MDN1: variants seen among roughly 807,000 people sequenced by gnomAD.
The protein encoded by MDN1 is midasin AAA ATPase 1.
MDN1 carries 266 observed loss-of-function variants against 669.2 expected under a neutral mutation model. The observed-to-expected ratio is 0.40, with a 90% CI of 0.36 to 0.44. The LOEUF (loss-of-function observed/expected upper bound fraction) is 0.44. Among genes scored for constraint, MDN1 ranks in the 20% least tolerant of loss-of-function variants. MDN1 has a pLI of 1.00. For synonymous variants in MDN1, 2,385 were observed against 2,457.1 expected (o/e 0.97, Z 0.87); for missense variants, 5,940 against 6,754.0 (o/e 0.88, Z 4.22).
At position 89,794,594 on chromosome 6, in the gene MDN1, A is replaced by G. The variant is rs1183379347; in HGVS notation, c.537T>C (p.His179=). The G allele has an allele frequency of 1.2e-6, 2 of 1,613,224 alleles. No individual in the cohort carries two copies. Among genetic ancestry groups the G allele is most frequent in the Non-Finnish European group, 1.7e-6 (2 of 1,180,028 alleles). Residue 179 remains histidine (H), a synonymous_variant, in exon 3 of 102, where the codon CAT becomes CAC. Transcript: ENST00000369393. ...WSVCVPLLRS[H]DTLVRWYTAN... is the part of the protein sequence containing the mutation. ...CTACGCACCAGCGAACCAAGGTGTCATGGCTTCTGAGGAGAGGGACACACA... is the reference window on the plus strand; with the variant it reads ...CTACGCACCAGCGAACCAAGGTGTCGTGGCTTCTGAGGAGAGGGACACACA...
At position 89,671,489 on chromosome 6, in the gene MDN1, C is replaced by CA. The variant is rs1196705933; in HGVS notation, c.13795-410dup. Among the ~76,000 whole-genome samples the CA allele has an allele frequency of 2.6e-5, 4 of 151,366 alleles. No individual in the cohort carries two copies. The East Asian group carries it at 5.8e-4, about 22-fold the overall frequency. On this transcript the variant is annotated intron_variant, in intron 82 of 101. Coordinates refer to ENST00000369393, the MANE Select transcript of MDN1 (RefSeq NM_014611.3). ...CCCCATTTCTACAAAAAATACCAAACAAAAAAAACATATAGCCAGAACCCA... is the reference window on the plus strand; with the variant it reads ...CCCCATTTCTACAAAAAATACCAAACAAAAAAAAACATATAGCCAGAACCCA...
rs1279599389 is a variant in MDN1, at chr6:89,740,217, C to A, written c.4593+17G>T. On this transcript the variant is annotated intron_variant, in intron 32 of 101. Transcript: ENST00000369393. Reference sequence around the variant, plus strand: ...GGTCAAAACCTAGAAAGAAAATGTGCATCAGTAAAGTTTTACCTCCTTTTT... The same window carrying A: ...GGTCAAAACCTAGAAAGAAAATGTGAATCAGTAAAGTTTTACCTCCTTTTT... 6.2e-7 allele frequency: 1 copy of A among 1,609,576 alleles called. No individual in the cohort carries two copies. Among genetic ancestry groups the A allele is most frequent in the Non-Finnish European group, 8.5e-7 (1 of 1,178,510 alleles).
At position 89,662,128 on chromosome 6, in the gene MDN1, C is replaced by G. The variant is rs142038492; in HGVS notation, c.14524G>C (p.Gly4842Arg). ...TTAATTTTGTCTTCACCTTGTCCAC[C>G]ATCATCAGCTTCTGCTTCTTCCTTT... ...EEKEEAEADD[G>R]GQGEDKINEQ... is the part of the protein sequence containing the mutation. Residue 4842 changes from glycine (G) to arginine (R), a missense_variant, in exon 87 of 102, where the codon GGT (glycine) becomes CGT (arginine). Coordinates refer to ENST00000369393, the MANE Select transcript of MDN1 (RefSeq NM_014611.3). The G allele has an allele frequency of 2.6e-4, 418 of 1,613,538 alleles. 1 individual carries two copies. The highest frequency in any genetic ancestry group is 1.9e-4 in the Non-Finnish European group (220 of 1,179,918).
At chr6:89,729,626 T>C (rs1562151277) in intron 35 of MDN1, among the ~76,000 whole-genome samples, 1 of 152,002 alleles carries the variant, frequency 6.6e-6, no homozygotes, top group African/African-American at 2.4e-5. Flanking sequence ...AGTCTTGTAA[T>C]ATTTAACATT....
At chr6:89,703,205 T>C (rs1319555018) in intron 53 of MDN1, among the ~76,000 whole-genome samples, 3 of 152,020 alleles carry the variant, frequency 2.0e-5, no homozygotes, top group African/African-American at 7.2e-5. Context: ...CCAAAGTACT[T>C]AGGATTATAG....
At chr6:89,652,828 A>G (rs760932504) in intron 94 of MDN1, among the ~76,000 whole-genome samples, 164 bp downstream of exon 94, 17 of 152,222 alleles carry the variant, frequency 1.1e-4, no homozygotes, top group South Asian at 4.1e-4. Context: ...AAGAACACCT[A>G]TCATACCAAT....
intron 34 of MDN1, among the ~76,000 whole-genome samples, chr6:89,731,493 G>GC: frequency 6.6e-6 from 1 of 152,136 alleles, no homozygotes; most frequent in South Asian, 2.1e-4. Context: ...ATCATCCTCA[G>GC]CAAACTAACA....
intron 22 of MDN1, among the ~76,000 whole-genome samples, chr6:89,753,229 A>G (rs1355488067): frequency 6.6e-6 from 1 of 152,162 alleles, no homozygotes; most frequent in East Asian, 1.9e-4. Flanking sequence ...AATTTACCTC[A>G]ATAAATCAAC....
chr6:89,758,220 CA>C lies in MDN1; in HGVS notation c.2702+34del, dbSNP rs767363909. ...TGGGCAACAGAGCAAGAACCTGTTG[CA>C]AAAAAGGAAAGTCTCCAAGAACCAA... On this transcript the variant is annotated intron_variant, in intron 19 of 101. Coordinates refer to ENST00000369393, the MANE Select transcript of MDN1 (RefSeq NM_014611.3). 3 of 1,542,862 alleles carry C rather than the reference CA, an allele frequency of 1.9e-6. No individual in the cohort carries two copies. The South Asian group carries it at 3.5e-5, about 18-fold the overall frequency.
chr6:89,811,064 T>G (rs1271975213), intron 1 of MDN1, among the ~76,000 whole-genome samples: 1 of 152,224 alleles, frequency 6.6e-6, no homozygotes, highest in South Asian at 2.1e-4. Flanking sequence ...AGGGTCACAT[T>G]CAGGTATTAT....
chr6:89,692,621 C>G lies in MDN1; in HGVS notation c.10409G>C (p.Gly3470Ala), dbSNP rs1272095346. The change falls in exon 63 of 102, where the codon GGC (glycine) becomes GCC (alanine). Residue 3470 changes from glycine to alanine, a missense_variant. Coordinates refer to ENST00000369393, the MANE Select transcript of MDN1 (RefSeq NM_014611.3). Reference sequence around the variant, plus strand: ...GCGCTTGAGGATTAGCTTCCCAAGGCCTCGTAGAACCTCCTCAGACTTCAC... The same window carrying G: ...GCGCTTGAGGATTAGCTTCCCAAGGGCTCGTAGAACCTCCTCAGACTTCAC... ...CSVKSEEVLR[G>A]LGKLILKRSG... 1 of 1,614,222 alleles carries G rather than the reference C, an allele frequency of 6.2e-7. No homozygotes were observed. Among genetic ancestry groups the G allele is most frequent in the African/African-American group, 1.3e-5 (1 of 75,058 alleles).
At chr6:89,812,459 C>T (rs535724126) in intron 1 of MDN1, among the ~76,000 whole-genome samples, 19 of 152,136 alleles carry the variant, frequency 1.2e-4, no homozygotes, top group African/African-American at 3.6e-4. Context: ...AATTCCGTTC[C>T]TTTGCTATAA....
chr6:89,723,202 A>G, intron 39 of MDN1, 59 bp from the exon 40 acceptor site: 1 of 1,476,726 alleles, frequency 6.8e-7, no homozygotes, highest in Non-Finnish European at 9.3e-7. Context: ...GCACTGCATT[A>G]AGTACTAGGA....
At chr6:89,796,561 G>A (rs1005386248) in intron 2 of MDN1, among the ~76,000 whole-genome samples, 1 of 152,000 alleles carries the variant, frequency 6.6e-6, no homozygotes, top group Non-Finnish European at 1.5e-5. Flanking sequence ...GAACCTTAAT[G>A]TAATCAGGTG....
rs746051834 is a variant in MDN1, at chr6:89,672,614, G to A, written c.13563C>T (p.Asn4521=). The change falls in exon 81 of 102, where the codon AAC becomes AAT. Residue 4521 remains asparagine, a synonymous_variant. Transcript: ENST00000369393. ...AIRAILCAIQ[N]LEERKNEKAE... Reference sequence around the variant, plus strand: ...CTTTTTCATTCTTTCTTTCTTCTAAGTTCTGGATGGCACAGAGGATGGCTC... The same window carrying A: ...CTTTTTCATTCTTTCTTTCTTCTAAATTCTGGATGGCACAGAGGATGGCTC... The A allele has an allele frequency of 1.9e-5, 31 of 1,613,928 alleles. No individual in the cohort carries two copies. The highest frequency in any genetic ancestry group is 2.5e-5 in the Non-Finnish European group (29 of 1,180,036).
rs756504726 is a variant in MDN1 at position 89,719,214 on chromosome 6, T to A, written c.5979A>T (p.Val1993=). The change falls in exon 41 of 102, where the codon GTA becomes GTT. Residue 1993 remains valine (V), a synonymous_variant. Coordinates refer to ENST00000369393, the MANE Select transcript of MDN1 (RefSeq NM_014611.3). ...TEEDKKKVIA[V]FKDVFGSNSN... ...AATTTGAACCAAACACATCCTTGAATACAGCAATGACCTAAAGGAAGAAGA... is the reference window on the plus strand; with the variant it reads ...AATTTGAACCAAACACATCCTTGAAAACAGCAATGACCTAAAGGAAGAAGA... 1.2e-6 allele frequency: 2 copies of A among 1,612,856 alleles called. No individual in the cohort carries two copies.
chr6:89,797,372 C>CAAAAAAA (rs36015348), intron 2 of MDN1, among the ~76,000 whole-genome samples: 6 of 97,728 alleles, frequency 6.1e-5, no homozygotes, highest in African/African-American at 2.0e-4. Flanking sequence ...GACTCCATCT[C>CAAAAAAA]AAAAAAAAAA....
chr6:89,807,801 G>A (rs761533472), intron 1 of MDN1, among the ~76,000 whole-genome samples: 5 of 151,956 alleles, frequency 3.3e-5, no homozygotes, highest in Non-Finnish European at 7.4e-5. Flanking sequence ...TTCTATTGCC[G>A]TATCTTGTAA....
chr6:89,747,847 C>G (rs994082716), intron 26 of MDN1, among the ~76,000 whole-genome samples: 1 of 136,712 alleles, frequency 7.3e-6, no homozygotes, highest in Non-Finnish European at 1.5e-5. Context: ...GCCGAGACTG[C>G]GCCACTGCAC....
Sources: gnomAD v4.1 joint callset for allele counts (sites outside exome capture counted in the v4.1 genomes callset) on GRCh38, gnomAD v4.1.1 for gene constraint, MANE v1.5 for transcripts, NCBI Gene and HGNC (gene_info 2026-07-23, HGNC 2026-07-21) for gene names.